Variants in CDH8 observed in about 807,000 individuals in gnomAD.
The protein encoded by CDH8 is cadherin 8, also known as cadherin-8.
A neutral mutation model predicts 68.1 loss-of-function variants in CDH8; 17 were observed. That is an observed-to-expected ratio of 0.25 (90% CI 0.17 to 0.37). CDH8 has a LOEUF of 0.37. CDH8 is among the 10% of genes least tolerant of loss of function. CDH8 has a pLI of 1.00. For missense variants in CDH8, 763 were observed against 999.3 expected, an observed-to-expected ratio of 0.76 and a Z score of 3.19; for synonymous variants, 372 against 365.1, an observed-to-expected ratio of 1.02 and a Z score of -0.21.
chr16:61,735,617 A>ATTTCT, intron 8 of CDH8, among the ~76,000 whole-genome samples: 1 of 152,250 alleles, frequency 6.6e-6, no homozygotes, highest in South Asian at 2.1e-4. Context: ...ATATCACATT[A>ATTTCT]TAGTGGTTTA....
rs907094004 is a variant in CDH8 at position 61,747,247 on chromosome 16, A to G, written c.1415-20032T>C. On this transcript the variant is annotated intron_variant, in intron 8 of 11. Coordinates refer to ENST00000577390, the MANE Select transcript of CDH8 (RefSeq NM_001796.5). ...AAGATATATTGAGTAAAATATGCAA[A>G]TCTGCAAGGAACAGGAAACATTCTT... Among the ~76,000 whole-genome samples, 24 of 152,118 alleles carry G rather than the reference A, an allele frequency of 1.6e-4. 1 individual carries two copies. The highest frequency in any genetic ancestry group is 5.3e-4 in the African/African-American group (22 of 41,462).
At chr16:61,893,273 C>A (rs1963808921) in intron 3 of CDH8, among the ~76,000 whole-genome samples, 1 of 152,142 alleles carries the variant, frequency 6.6e-6, no homozygotes, top group Non-Finnish European at 1.5e-5. Context: ...AGGGCCCAGT[C>A]AACTCCAGTG....
At chr16:61,940,657 T>G (rs1319626054) in intron 2 of CDH8, 8 of 152,320 alleles carry the variant, frequency 5.3e-5, no homozygotes, top group African/African-American at 1.9e-4. Context: ...CTCCTCGGCC[T>G]CCCAAAGTTC....
At chr16:61,865,243 A>T (rs894625363) in intron 3 of CDH8, among the ~76,000 whole-genome samples, 2 of 152,180 alleles carry the variant, frequency 1.3e-5, no homozygotes, top group African/African-American at 4.8e-5. Context: ...TAAACCGGGG[A>T]AATAAAATTC....
intron 2 of CDH8, among the ~76,000 whole-genome samples, chr16:61,966,280 C>T (rs1454692437): frequency 2.0e-5 from 3 of 151,916 alleles, no homozygotes; most frequent in Admixed American, 6.6e-5. Flanking sequence ...TGGCTCACGT[C>T]TGTAATCCCA....
chr16:61,958,519 C>T (rs537298151), intron 2 of CDH8, among the ~76,000 whole-genome samples: 1 of 152,258 alleles, frequency 6.6e-6, no homozygotes, highest in Admixed American at 6.5e-5. Context: ...TACCATTGCT[C>T]TTTATCTATG....
intron 2 of CDH8, among the ~76,000 whole-genome samples, chr16:61,931,073 T>A (rs1298697119): frequency 2.0e-5 from 3 of 152,228 alleles, no homozygotes; most frequent in Non-Finnish European, 4.4e-5. Context: ...GTGTATTTGA[T>A]TACACCATTT....
intron 1 of CDH8, among the ~76,000 whole-genome samples, chr16:62,033,549 C>G (rs1383862245): frequency 6.6e-6 from 1 of 152,134 alleles, no homozygotes; most frequent in Non-Finnish European, 1.5e-5. Flanking sequence ...AATGATAAAG[C>G]AGAAGCACTG....
intron 10 of CDH8, among the ~76,000 whole-genome samples, chr16:61,689,259 T>C (rs1418979218): frequency 1.3e-5 from 2 of 152,088 alleles, no homozygotes; most frequent in African/African-American, 4.8e-5. Flanking sequence ...AATTTAGCTC[T>C]TCTGTCATCT....
At chr16:61,790,888 A>C (rs1254576649) in intron 7 of CDH8, among the ~76,000 whole-genome samples, 1 of 151,988 alleles carries the variant, frequency 6.6e-6, no homozygotes. Context: ...TAGATATATT[A>C]ATGGATTTTT....
intron 9 of CDH8, among the ~76,000 whole-genome samples, chr16:61,720,499 T>C (rs952335702): frequency 1.3e-5 from 2 of 150,964 alleles, no homozygotes; most frequent in Admixed American, 6.6e-5. Context: ...ATTTTCTCTG[T>C]AGATAATCAA....
At chr16:61,959,521 TCC>T (rs1965043800) in intron 2 of CDH8, among the ~76,000 whole-genome samples, 1 of 108,578 alleles carries the variant, frequency 9.2e-6, no homozygotes, top group Admixed American at 1.0e-4. Flanking sequence ...TGCCTTATCC[TCC>T]CTCTCTCTCT....
chr16:62,034,443 C>T (rs577151856), intron 1 of CDH8, among the ~76,000 whole-genome samples: 1 of 152,242 alleles, frequency 6.6e-6, no homozygotes, highest in Non-Finnish European at 1.5e-5. Context: ...CCTGAGGTGA[C>T]AGCCCAAGGA....
intron 8 of CDH8, among the ~76,000 whole-genome samples, chr16:61,779,446 T>G (rs1023963252): frequency 1.4e-4 from 21 of 149,080 alleles, no homozygotes; most frequent in African/African-American, 5.0e-4. Flanking sequence ...TGTGTGTGTG[T>G]GTGTGTGTGT....
intron 2 of CDH8, among the ~76,000 whole-genome samples, chr16:61,956,230 C>G (rs1456066375): frequency 1.3e-5 from 2 of 152,130 alleles, no homozygotes; most frequent in Non-Finnish European, 2.9e-5. Flanking sequence ...AATATCTACA[C>G]GCTGAAGTTA....
intron 2 of CDH8, among the ~76,000 whole-genome samples, chr16:61,906,006 T>A (rs967871944): frequency 6.6e-6 from 1 of 151,282 alleles, no homozygotes; most frequent in African/African-American, 2.4e-5. Flanking sequence ...GAGAGCATAG[T>A]ATGGGAGAGA....
chr16:61,849,013 T>C (rs1417507866), intron 4 of CDH8, among the ~76,000 whole-genome samples: 1 of 152,046 alleles, frequency 6.6e-6, no homozygotes, highest in Non-Finnish European at 1.5e-5. Flanking sequence ...TTACTTGATA[T>C]AGGGATTAAA....
At chr16:61,798,609 T>C (rs890304536) in intron 7 of CDH8, among the ~76,000 whole-genome samples, 4 of 152,132 alleles carry the variant, frequency 2.6e-5, no homozygotes, top group African/African-American at 9.7e-5. Flanking sequence ...GAGGTAGAAA[T>C]CATCTTGGCA....
chr16:61,780,003 C>T (rs1254400266), intron 8 of CDH8, among the ~76,000 whole-genome samples: 1 of 152,198 alleles, frequency 6.6e-6, no homozygotes, highest in Non-Finnish European at 1.5e-5. Flanking sequence ...TACCTCCACT[C>T]TCATCCTTGC....
Sources: gnomAD v4.1 joint callset for allele counts (sites outside exome capture counted in the v4.1 genomes callset) on GRCh38, gnomAD v4.1.1 for gene constraint, MANE v1.5 for transcripts, NCBI Gene and HGNC (gene_info 2026-07-23, HGNC 2026-07-21) for gene names.